Variants in GTF3C1 observed in about 807,000 individuals in gnomAD.
The protein encoded by GTF3C1 is general transcription factor 3C polypeptide 1.
A neutral mutation model predicts 226.7 loss-of-function variants in GTF3C1; 57 were observed. That is an observed-to-expected ratio of 0.25 (90% CI 0.20 to 0.31). The LOEUF is 0.31. Ranked by LOEUF, GTF3C1 falls within the 10% of genes least tolerant of loss-of-function variation. GTF3C1 has a pLI of 1.00. For synonymous variants in GTF3C1, 1,090 were observed against 1,084.8 expected, an observed-to-expected ratio of 1.00 and a Z score of -0.09; for missense variants, 2,217 against 2,776.1, an observed-to-expected ratio of 0.80 and a Z score of 4.53.
Position 27,469,186 on chromosome 16 carries a change from G to C in GTF3C1, c.5074+105C>G, listed in dbSNP as rs999102178. The C allele has an allele frequency of 1.7e-6, 2 of 1,178,598 alleles. No homozygotes were observed. Among genetic ancestry groups the C allele is most frequent in the Non-Finnish European group, 2.3e-6 (2 of 856,622 alleles). The allele number at this position is 1,178,598 out of a possible 1,614,324, so 73.0% of individuals were successfully genotyped here. ...TTTTCTGTGTGTTCTGTGGCTGCACGCCTGGCCTGGGGAGCCTGAAGGTCT... is the reference window on the plus strand; with the variant it reads ...TTTTCTGTGTGTTCTGTGGCTGCACCCCTGGCCTGGGGAGCCTGAAGGTCT... On this transcript the variant is annotated intron_variant, in intron 32 of 36. Coordinates refer to ENST00000356183, the MANE Select transcript of GTF3C1 (RefSeq NM_001520.4). This position sits in a 1 kb window ranked among gnomAD's most constrained non-coding sequence, Gnocchi z 4.5.
Position 27,493,207 on chromosome 16 carries a change from C to T in GTF3C1, c.2868G>A (p.Leu956=), listed in dbSNP as rs1270412398. ...FLPRPIRQQL[L]YKRRYIFSVV... ...AGGTTCAATGGCCTCACCTCTTGTA[C>T]AGAAGCTGCTGCCGAATGGGCCTGG... The change falls in exon 17 of 37, where the codon CTG becomes CTA. Residue 956 remains leucine (L), a synonymous_variant. Transcript: ENST00000356183. 2.2e-5 allele frequency: 35 copies of T among 1,597,112 alleles called. No individual in the cohort carries two copies. The highest frequency in any genetic ancestry group is 2.5e-5 in the Non-Finnish European group (29 of 1,164,518).
At position 27,471,121 on chromosome 16, in the gene GTF3C1, T is replaced by C. The variant is rs2087861027; in HGVS notation, c.4526+627A>G. On this transcript the variant is annotated intron_variant, in intron 30 of 36. Transcript: ENST00000356183. This position sits in a 1 kb window ranked among gnomAD's most constrained non-coding sequence, Gnocchi z 5.0. ...AAAAGAAGATTCATGGTGCTGTCTC[T>C]GAGCATCTGACTGCAGCCCCGTGCA... 2.0e-5 allele frequency among the ~76,000 whole-genome samples: 3 copies of C among 152,210 alleles called. No individual in the cohort carries two copies. The South Asian group carries it at 6.2e-4, about 32-fold the overall frequency.
chr16:27,511,770 G>A lies in GTF3C1; in HGVS notation c.1105C>T (p.Leu369Phe). 1 of 1,614,188 alleles carries A rather than the reference G, an allele frequency of 6.2e-7. No homozygotes were observed. The highest frequency in any genetic ancestry group is 8.5e-7 in the Non-Finnish European group (1 of 1,180,038). ...PVDIVFERDM[L>F]TQTYDLIERR... The stretch of plus-strand genomic sequence containing the variant: ...TTACTGAGGTCGTAGGTCTGTGTGA[G>A]CATATCCCGCTCGAACACAATGTCC... The change falls in exon 7 of 37, where the codon CTC becomes TTC. Residue 369 changes from leucine (L) to phenylalanine (F), a missense_variant. Around this residue, in one of 12 missense-constraint regions of GTF3C1, gnomAD observed 163 missense variants for 234.3 expected, o/e 0.70. Transcript: ENST00000356183.
intron 28 of GTF3C1, 63 bp downstream of exon 28, chr16:27,478,406 A>C: frequency 8.8e-7 from 1 of 1,136,848 alleles, no homozygotes; most frequent in Non-Finnish European, 1.3e-6. Context: ...CCAGTGCAAT[A>C]GGTTGTCAGC....
chr16:27,537,763 T>G (rs1013637307), intron 4 of GTF3C1, 21 bp downstream of exon 4: 1 of 1,576,290 alleles, frequency 6.3e-7, no homozygotes, highest in Non-Finnish European at 8.7e-7. Context: ...AACCTAATGT[T>G]TTGGTCACTA....
rs1014456603 is a variant in GTF3C1, at chr16:27,463,808, G to A, written c.5873-216C>T. 1.2e-5 allele frequency: 7 copies of A among 576,112 alleles called. No individual in the cohort carries two copies. The highest frequency in any genetic ancestry group is 1.0e-4 in the Admixed American group (3 of 30,030). 35.7% of individuals were successfully genotyped at this position (576,112 alleles called of 1,614,324 possible). A position where few individuals can be genotyped will look rare whatever the true frequency, so the allele number is the denominator to read the frequency against. The stretch of plus-strand genomic sequence containing the variant: ...GCACACAGCGCCACATGCAAGCAGC[G>A]TCCCAGGCCCGGACAAGCCCCACAT... On this transcript the variant is annotated intron_variant, in intron 34 of 36. Coordinates refer to ENST00000356183, the MANE Select transcript of GTF3C1 (RefSeq NM_001520.4). The surrounding 1 kb of genome is among the most constrained non-coding windows in gnomAD (Gnocchi z 4.9).
chr16:27,547,637 A>T (rs1343940058), intron 1 of GTF3C1, among the ~76,000 whole-genome samples: 1 of 152,084 alleles, frequency 6.6e-6, no homozygotes, highest in East Asian at 1.9e-4. Context: ...CCCTCTCTTC[A>T]GTGACTTCTC....
Position 27,461,279 on chromosome 16 carries a change from G to T in GTF3C1, c.*71C>A. 1.4e-5 allele frequency: 14 copies of T among 985,502 alleles called. No individual in the cohort carries two copies. The highest frequency in any genetic ancestry group is 2.2e-5 in the Non-Finnish European group (14 of 647,080). 61.0% of individuals were successfully genotyped at this position (985,502 alleles called of 1,614,324 possible). A position where few individuals can be genotyped will look rare whatever the true frequency, so the allele number is the denominator to read the frequency against. On this transcript the variant is annotated 3_prime_UTR_variant, in exon 37 of 37. Transcript: ENST00000356183. This position sits in a 1 kb window ranked among gnomAD's most constrained non-coding sequence, Gnocchi z 5.3. ...CAGACCCAAGGCCAGGGCACAGTGG[G>T]GTCTGCCGAGCACCAGGCAGGAGTG...
At chr16:27,516,418 C>T (rs1421230172) in intron 6 of GTF3C1, among the ~76,000 whole-genome samples, 1 of 152,226 alleles carries the variant, frequency 6.6e-6, no homozygotes, top group Admixed American at 6.5e-5. Context: ...TGCTTCCAGG[C>T]CTGGAGTGAC....
chr16:27,486,221 G>T, intron 23 of GTF3C1, 67 bp from the exon 24 acceptor site: 1 of 901,162 alleles, frequency 1.1e-6, no homozygotes, highest in Non-Finnish European at 1.8e-6. Flanking sequence ...ACTCTGCAGA[G>T]GGGCAGGTTC....
Position 27,488,264 on chromosome 16 carries a change from C to T in GTF3C1, c.3663G>A (p.Lys1221=). 1 of 1,614,246 alleles carries T rather than the reference C, an allele frequency of 6.2e-7. No homozygotes were observed. Among genetic ancestry groups the T allele is most frequent in the African/African-American group, 1.3e-5 (1 of 75,076 alleles). The change falls in exon 23 of 37, where the codon AAG becomes AAA. Residue 1221 remains lysine (K), a synonymous_variant. Transcript: ENST00000356183. ...GGKSQKRKRL[K]KDPGKKIKRK... is the part of the protein sequence containing the mutation. The stretch of plus-strand genomic sequence containing the variant: ...TCTTGATCTTCTTCCCAGGGTCCTT[C>T]TTCAGCCGCTTCCGCTTCTGGCTTT...
rs996739145 is a variant in GTF3C1 at position 27,470,892 on chromosome 16, C to T, written c.4527-497G>A. Reference sequence around the variant, plus strand: ...GGTCAGAGGGAGGGACCAAAAAGGCCTTCCTTGTCTGTGACCACTGCCCTC... The same window carrying T: ...GGTCAGAGGGAGGGACCAAAAAGGCTTTCCTTGTCTGTGACCACTGCCCTC... On this transcript the variant is annotated intron_variant, in intron 30 of 36. Coordinates refer to ENST00000356183, the MANE Select transcript of GTF3C1 (RefSeq NM_001520.4). The surrounding 1 kb of genome is among the most constrained non-coding windows in gnomAD (Gnocchi z 4.9). Among the ~76,000 whole-genome samples the T allele has an allele frequency of 6.6e-6, 1 of 152,252 alleles. No homozygotes were observed. The highest frequency in any genetic ancestry group is 1.5e-5 in the Non-Finnish European group (1 of 68,040).
intron 26 of GTF3C1, chr16:27,482,420 C>T: frequency 2.2e-6 from 1 of 453,912 alleles, no homozygotes; most frequent in South Asian, 1.6e-5. Context: ...TGAGCCTCCT[C>T]CCTGACCTCT....
intron 5 of GTF3C1, among the ~76,000 whole-genome samples, chr16:27,532,014 G>C (rs545725344): frequency 4.7e-4 from 71 of 152,322 alleles, no homozygotes; most frequent in African/African-American, 1.7e-3. Context: ...TCGGAGAGGT[G>C]ACAGGAAGCA....
chr16:27,496,806 G>A (rs1198827374), intron 14 of GTF3C1, among the ~76,000 whole-genome samples: 1 of 152,236 alleles, frequency 6.6e-6, no homozygotes, highest in African/African-American at 2.4e-5. Flanking sequence ...GGTAGGCACA[G>A]CAAGAGGGTG....
Position 27,463,287 on chromosome 16 carries a change from T to C in GTF3C1, c.5924+254A>G, listed in dbSNP as rs2087731771. The stretch of plus-strand genomic sequence containing the variant: ...GCACAGCTGACAGCACCAGGCATGG[T>C]TCTCCACCAGCGCCCTGGGCATTCT... On this transcript the variant is annotated intron_variant, in intron 35 of 36. Coordinates refer to ENST00000356183, the MANE Select transcript of GTF3C1 (RefSeq NM_001520.4). The surrounding 1 kb of genome is among the most constrained non-coding windows in gnomAD (Gnocchi z 4.9). 1.9e-6 allele frequency: 1 copy of C among 526,126 alleles called. No individual in the cohort carries two copies. Among genetic ancestry groups the C allele is most frequent in the African/African-American group, 2.0e-5 (1 of 51,262 alleles). 32.6% of individuals were successfully genotyped at this position (526,126 alleles called of 1,614,324 possible).
At chr16:27,497,602 A>G in intron 14 of GTF3C1, 35 bp downstream of exon 14, 1 of 1,543,166 alleles carries the variant, frequency 6.5e-7, no homozygotes, top group South Asian at 1.1e-5. Context: ...AACAAATCAA[A>G]TGTAACTAAA....
intron 2 of GTF3C1, among the ~76,000 whole-genome samples, chr16:27,542,340 C>G (rs2089097215): frequency 1.3e-5 from 2 of 152,168 alleles, no homozygotes; most frequent in African/African-American, 4.8e-5. Context: ...GTAGGCAGAT[C>G]ACCTGAGGTC....
chr16:27,499,967 A>G (rs2088381304), intron 12 of GTF3C1, among the ~76,000 whole-genome samples: 1 of 152,222 alleles, frequency 6.6e-6, no homozygotes, highest in African/African-American at 2.4e-5. Flanking sequence ...CAGCTACTGT[A>G]GTGGGACCTT....
Sources: allele counts gnomAD v4.1 joint callset (sites outside exome capture counted in the v4.1 genomes callset), GRCh38; gene constraint gnomAD v4.1.1; regional missense constraint gnomAD v4.1.1; non-coding constraint Gnocchi (gnomAD v3.1); transcripts MANE v1.5; gene names NCBI Gene and HGNC (gene_info 2026-07-23, HGNC 2026-07-21).